The following ANK3 variants were observed in gnomAD, a reference collection of about 807,000 sequenced individuals.
ANK3 encodes the protein ankyrin-3.
A neutral mutation model predicts 370.9 loss-of-function variants in ANK3; 57 were observed. The ratio of observed to expected loss-of-function variants is 0.15; its 90% CI spans 0.12 to 0.19. The LOEUF is 0.19. Among genes scored for constraint, ANK3 ranks in the 10% least tolerant of loss-of-function variants. The pLI is 1.00. For synonymous variants in ANK3, 1,929 were observed against 1,946.3 expected (o/e 0.99, Z 0.23); for missense variants, 4,439 against 5,302.1 (o/e 0.84, Z 5.06).
chr10:60,400,001 TC>T (rs1196706012), intron 2 of ANK3, among the ~76,000 whole-genome samples: 2 of 143,804 alleles, frequency 1.4e-5, no homozygotes, highest in African/African-American at 5.3e-5. Context: ...AATCAAAACC[TC>T]CAATACAGTG....
rs376941205 is a variant in ANK3, at chr10:60,105,929, C to T, written c.3304G>A (p.Glu1102Lys). Residue 1102 changes from glutamate (E) to lysine (K), a missense_variant, in exon 28 of 44, where the codon GAG (glutamate) becomes AAG (lysine). By Grantham distance (56) the Glu-to-Lys change is moderately conservative (BLOSUM62 1). Coordinates refer to ENST00000280772, the MANE Select transcript of ANK3 (RefSeq NM_020987.5). Reference sequence around the variant, plus strand: ...CCTTCATCCATGCCATTAAGTAACTCGGTTAAATCTTCATTTTTGCTGTCA... The same window carrying T: ...CCTTCATCCATGCCATTAAGTAACTTGGTTAAATCTTCATTTTTGCTGTCA... ...QFDSKNEDLT[E>K]LLNGMDEELD... 64 of 1,610,930 alleles carry T rather than the reference C, an allele frequency of 4.0e-5. No homozygotes were observed. Among genetic ancestry groups the T allele is most frequent in the Non-Finnish European group, 5.3e-5 (63 of 1,178,768 alleles).
intron 1 of ANK3, among the ~76,000 whole-genome samples, chr10:60,637,612 A>G (rs10821809): frequency 0.68 from 102,852 of 152,014 alleles, 34,943 homozygotes; most frequent in South Asian, 0.82. Flanking sequence ...CTTCTCTGAC[A>G]TAGTGAAAAA....
chr10:60,508,569 T>C (rs767902250), intron 2 of ANK3: 1 of 152,790 alleles, frequency 6.5e-6, no homozygotes, highest in East Asian at 1.9e-4. Context: ...AATGGCAACA[T>C]GAGTAAGAGC....
chr10:60,316,731 A>G (rs1251822244), intron 1 of ANK3, among the ~76,000 whole-genome samples: 2 of 151,844 alleles, frequency 1.3e-5, no homozygotes, highest in Non-Finnish European at 2.9e-5. Context: ...TCCATATTCC[A>G]TATGTTTTTA....
At chr10:60,567,958 G>T (rs1043159896) in intron 2 of ANK3, among the ~76,000 whole-genome samples, 1 of 152,196 alleles carries the variant, frequency 6.6e-6, no homozygotes, top group Non-Finnish European at 1.5e-5. Context: ...GACATGACAT[G>T]CCTCATGATA....
chr10:60,104,115 GTAAC>G (rs2091774747), intron 28 of ANK3, among the ~76,000 whole-genome samples: 1 of 152,006 alleles, frequency 6.6e-6, no homozygotes, highest in Non-Finnish European at 1.5e-5. Context: ...ATCACAAAAA[GTAAC>G]TAGTAGGTAC....
In ANK3 at chr10:60,273,362, C is replaced by A. The variant is rs186578864; in HGVS notation, c.415-3133G>T. ...GTTTATTAATATATAATTTGCATATCATAAAGCTCACCTTTTAAAAGTGTA... is the reference window on the plus strand; with the variant it reads ...GTTTATTAATATATAATTTGCATATAATAAAGCTCACCTTTTAAAAGTGTA... On this transcript the variant is annotated intron_variant, in intron 4 of 43. Coordinates refer to ENST00000280772, the MANE Select transcript of ANK3 (RefSeq NM_020987.5). 2.9e-3 allele frequency among the ~76,000 whole-genome samples: 441 copies of A among 152,214 alleles called. 2 individuals are homozygous for A. Among genetic ancestry groups the A allele is most frequent in the African/African-American group, 0.01 (422 of 41,526 alleles).
At chr10:60,363,343 C>A (rs1461804897) in intron 1 of ANK3, among the ~76,000 whole-genome samples, 1 of 152,176 alleles carries the variant, frequency 6.6e-6, no homozygotes, top group Non-Finnish European at 1.5e-5. Context: ...GAAAAAGAAA[C>A]CCCTCTTTGT....
chr10:60,383,813 A>T (rs913701366), intron 1 of ANK3, among the ~76,000 whole-genome samples: 5 of 152,190 alleles, frequency 3.3e-5, no homozygotes, highest in Non-Finnish European at 5.9e-5. Context: ...CTGGCATCTT[A>T]GGGTGTCAGA....
chr10:60,052,818 T>C (rs2078335751), intron 42 of ANK3, among the ~76,000 whole-genome samples: 1 of 149,908 alleles, frequency 6.7e-6, no homozygotes, highest in Non-Finnish European at 1.5e-5. Flanking sequence ...GCTGGAAAAA[T>C]GAATTCCAGT....
intron 2 of ANK3, among the ~76,000 whole-genome samples, chr10:60,466,673 C>A (rs751894275): frequency 8.5e-5 from 13 of 152,170 alleles, no homozygotes; most frequent in Non-Finnish European, 1.6e-4. Flanking sequence ...ACTGAAATGT[C>A]CTTCAGCTGA....
rs2083332418 is a variant in ANK3 at position 60,074,249 on chromosome 10, C to T, written c.6632G>A (p.Ser2211Asn). The T allele has an allele frequency of 6.2e-6, 10 of 1,614,074 alleles. No individual in the cohort carries two copies. In the East Asian group the frequency reaches 2.2e-4, roughly 36 times the overall value. ...MELEPKPTTS[S>N]IKEKVKAFQM... is the part of the protein sequence containing the mutation. ...AAATGCTTTAACCTTTTCTTTAATA[C>T]TAGAGGTGGTGGGCTTTGGTTCCAA... Residue 2211 changes from serine to asparagine, a missense_variant, in exon 37 of 44, where the codon AGT (serine) becomes AAT (asparagine). Ser to Asn is a conservative substitution (Grantham distance 46). Coordinates refer to ENST00000280772, the MANE Select transcript of ANK3 (RefSeq NM_020987.5).
intron 28 of ANK3, among the ~76,000 whole-genome samples, chr10:60,100,234 G>GTTT (rs3045340): frequency 0.018 from 1,060 of 57,846 alleles, 168 homozygotes; most frequent in African/African-American, 0.065. Context: ...TTTTGCTATG[G>GTTT]TTTTTTTTTT....
chr10:60,450,352 T>C (rs1451170081), intron 2 of ANK3, among the ~76,000 whole-genome samples: 1 of 152,154 alleles, frequency 6.6e-6, no homozygotes, highest in Admixed American at 6.5e-5. Context: ...TTTGCCACTT[T>C]CCATGATGTA....
intron 1 of ANK3, among the ~76,000 whole-genome samples, chr10:60,307,498 A>ATT (rs199758262): frequency 1.8e-4 from 26 of 143,424 alleles, no homozygotes; most frequent in African/African-American, 6.1e-4. Flanking sequence ...ATGCCTGGCT[A>ATT]TTTTTTTTTT....
Position 60,196,616 on chromosome 10 carries a change from T to G in ANK3, c.1699A>C (p.Thr567Pro). The change falls in exon 15 of 44, where the codon ACT (threonine) becomes CCT (proline). Residue 567 changes from threonine (T) to proline (P), a missense_variant. Thr to Pro is a conservative substitution (Grantham distance 38). Around this residue, in one of 13 missense-constraint regions of ANK3, gnomAD observed 192 missense variants for 192.1 expected, o/e 1.00. Coordinates refer to ENST00000280772, the MANE Select transcript of ANK3 (RefSeq NM_020987.5). The part of the protein sequence containing the change: ...SLSITTKKGF[T>P]PLHVAAKYGK... The stretch of plus-strand genomic sequence containing the variant: ...TATTTTGCTGCCACATGAAGAGGAG[T>G]AAATCCTTTCTGAAAAAAAAAAAAC... 6.4e-7 allele frequency: 1 copy of G among 1,552,500 alleles called. No homozygotes were observed. The highest frequency in any genetic ancestry group is 8.7e-7 in the Non-Finnish European group (1 of 1,144,292).
intron 2 of ANK3, among the ~76,000 whole-genome samples, chr10:60,591,411 C>T (rs1034352187): frequency 6.6e-6 from 1 of 151,014 alleles, no homozygotes; most frequent in Middle Eastern, 3.2e-3. Flanking sequence ...GCAATTATGG[C>T]TTACTGCAGC....
At chr10:60,044,487 G>T in intron 42 of ANK3, 1 of 275,450 alleles carries the variant, frequency 3.6e-6, no homozygotes, top group Non-Finnish European at 5.5e-6. Context: ...AGGGAAAAAG[G>T]CTGACTTCAC....
At position 60,070,412 on chromosome 10, in the gene ANK3, G is replaced by A. The variant is rs1306612552; in HGVS notation, c.10469C>T (p.Thr3490Ile). 3 of 1,613,996 alleles carry A rather than the reference G, an allele frequency of 1.9e-6. No homozygotes were observed. Among genetic ancestry groups the A allele is most frequent in the South Asian group, 2.2e-5 (2 of 91,076 alleles). Reference protein sequence around the residue: ...PPSKSSSSEKTPDKTDQKSGA... With the variant: ...PPSKSSSSEKIPDKTDQKSGA... ...TGACTTCTGATCAGTCTTATCAGGA[G>A]TCTTTTCAGATGAAGAACTTTTAGA... The change falls in exon 37 of 44, where the codon ACT (threonine) becomes ATT (isoleucine). Residue 3490 changes from threonine to isoleucine, a missense_variant. Around this residue, in one of 13 missense-constraint regions of ANK3, gnomAD observed 1,601 missense variants for 1,731.7 expected, o/e 0.92. Transcript: ENST00000280772. This position sits in a 1 kb window ranked among gnomAD's most constrained non-coding sequence, Gnocchi z 5.7.
Sources: gnomAD v4.1 joint callset for allele counts (sites outside exome capture counted in the v4.1 genomes callset) on GRCh38, gnomAD v4.1.1 for gene constraint, gnomAD v4.1.1 regional missense constraint, Gnocchi (gnomAD v3.1) non-coding constraint, MANE v1.5 for transcripts, NCBI Gene and HGNC (gene_info 2026-07-23, HGNC 2026-07-21) for gene names.